ZNF534: variants seen among roughly 807,000 people sequenced by gnomAD.
The protein encoded by ZNF534 is zinc finger protein 534.
ZNF534 carries 19 observed loss-of-function variants against 13.6 expected under a neutral mutation model. The observed-to-expected ratio is 1.40, with a 90% CI of 0.97 to 2.05. ZNF534 has a LOEUF of 2.05. ZNF534 is among the 30% of genes most tolerant of loss of function. The probability of loss-of-function intolerance (pLI) is 0.00; values close to 1 mark genes in which losing one functional copy is unlikely to be tolerated. For synonymous variants in ZNF534, 244 were observed against 273.8 expected, an observed-to-expected ratio of 0.89 and a Z score of 1.07; for missense variants, 782 against 796.3, an observed-to-expected ratio of 0.98 and a Z score of 0.22.
chr19:52,451,187 AT>A lies in ZNF534; in HGVS notation c.277del (p.Ser93HisfsTer167). On this transcript the variant is annotated frameshift_variant and splice_region_variant, in exon 5 of 5. Coordinates refer to the ZNF534 transcript ENST00000301085. LOFTEE classifies it low-confidence loss of function (END_TRUNC). ...ACTGTTTATAATTTTCTACCCATAG[AT>A]TTTTCACTTCTGGCCTGGGACGCGC... 1.5e-6 allele frequency: 1 copy of A among 680,756 alleles called. No homozygotes were observed. Among genetic ancestry groups the A allele is most frequent in the South Asian group, 1.6e-5 (1 of 62,514 alleles). 42.2% of individuals were successfully genotyped at this position (680,756 alleles called of 1,614,324 possible). A position where few individuals can be genotyped will look rare whatever the true frequency, so the allele number is the denominator to read the frequency against.
In ZNF534 at chr19:52,438,178, A is replaced by G. The variant is rs941793687; in HGVS notation, c.718A>G (p.Lys240Glu). 8 of 1,614,166 alleles carry G rather than the reference A, an allele frequency of 5.0e-6. No homozygotes were observed. The Middle Eastern group carries it at 1.2e-3, about 233-fold the overall frequency. ...AQHQRIHTGE[K>E]PYKYNECGKV... ...ACATCAACGAATCCATACTGGAGAG[A>G]AGCCTTACAAATATAATGAATGTGG... Residue 240 changes from lysine (K) to glutamate (E), a missense_variant, in exon 5 of 5, where the codon AAG becomes GAG. Physicochemically the swap from Lys to Glu is moderately conservative, Grantham distance 56. Transcript: ENST00000433050.
chr19:52,443,924 C>T (rs1476163191), downstream of ZNF534, among the ~76,000 whole-genome samples: 5 of 152,134 alleles, frequency 3.3e-5, no homozygotes, highest in South Asian at 1.0e-3. Flanking sequence ...TTTCTCCCCT[C>T]ATTTATTGTA....
intron 4 of ZNF534, among the ~76,000 whole-genome samples, chr19:52,449,944 C>T (rs115985282): frequency 0.014 from 2,159 of 152,104 alleles, 50 homozygotes; most frequent in African/African-American, 0.049. Flanking sequence ...TGCTTGAACC[C>T]GGGAAGGCAG....
chr19:52,438,354 C>T lies in ZNF534; in HGVS notation c.894C>T (p.Tyr298=), dbSNP rs1399548221. The change falls in exon 5 of 5, where the codon TAC becomes TAT. Residue 298 remains tyrosine (Y), a synonymous_variant. Coordinates refer to ENST00000433050, the MANE Select transcript of ZNF534 (RefSeq NM_001143938.3). ...HRKIHTGEKP[Y]KCSECGKAFS... ...AAATTCATACTGGAGAGAAGCCTTA[C>T]AAATGTAGTGAATGTGGCAAAGCAT... is the stretch of plus-strand genomic sequence containing the variant. 3 of 1,613,276 alleles carry T rather than the reference C, an allele frequency of 1.9e-6. No homozygotes were observed. The highest frequency in any genetic ancestry group is 1.3e-5 in the African/African-American group (1 of 74,894).
chr19:52,451,856 AT>A, exon 5 of ZNF534: 6 of 760,076 alleles, frequency 7.9e-6, no homozygotes, highest in Admixed American at 2.0e-5. Flanking sequence ...TTGTGAACGG[AT>A]TTTTTAATCC....
intron 4 of ZNF534, among the ~76,000 whole-genome samples, chr19:52,451,012 T>G (rs2059212520): frequency 1.3e-5 from 2 of 152,142 alleles, no homozygotes; most frequent in Non-Finnish European, 2.9e-5. Flanking sequence ...TCTATTTCTG[T>G]GAATAATGTC....
exon 5 of ZNF534, chr19:52,452,005 G>A (rs2059219436): frequency 3.6e-6 from 1 of 280,984 alleles, no homozygotes; most frequent in African/African-American, 2.3e-5. Context: ...AAGAGTTTTT[G>A]CTTAAAGTGT....
chr19:52,437,023 G>T (rs181268626), intron 4 of ZNF534, among the ~76,000 whole-genome samples: 1 of 151,778 alleles, frequency 6.6e-6, no homozygotes, highest in South Asian at 2.1e-4. Flanking sequence ...TTTATAATGC[G>T]CAGTGGGAGA....
chr19:52,438,268 T>TA lies in ZNF534; in HGVS notation c.809dup (p.Tyr270Ter), dbSNP rs1344036395. The TA allele has an allele frequency of 1.2e-6, 2 of 1,605,346 alleles. No individual in the cohort carries two copies. The highest frequency in any genetic ancestry group is 8.5e-7 in the Non-Finnish European group (1 of 1,173,376). The change falls in exon 5 of 5, where the codon TAC (tyrosine) becomes TAAC (stop). Residue 270 changes from tyrosine (Y) to a stop codon, truncating the protein, a stop_gained and frameshift_variant. Transcript: ENST00000433050. LOFTEE classifies it low-confidence loss of function (END_TRUNC). ...HQKIHTGQKPYNNKECGKVFS... is the reference protein window; with the variant it reads ...HQKIHTGQKP ...GAAAATTCATACTGGACAGAAACCT[T>TA]ACAATAACAAAGAATGTGGGAAAGT...
chr19:52,434,744 A>AG (rs1035347751), intron 3 of ZNF534, among the ~76,000 whole-genome samples: 5 of 149,814 alleles, frequency 3.3e-5, no homozygotes, highest in African/African-American at 1.2e-4. Context: ...AAAAAAAAAA[A>AG]AGAAAGAAAT....
exon 5 of ZNF534, chr19:52,451,237 C>T: frequency 1.4e-6 from 1 of 732,252 alleles, no homozygotes; most frequent in Non-Finnish European, 2.5e-6. Flanking sequence ...GGAAGCCTGG[C>T]GCGCGTCCGG....
chr19:52,434,121 G>A, intron 3 of ZNF534, 40 bp downstream of exon 3: 2 of 1,588,850 alleles, frequency 1.3e-6, no homozygotes, highest in African/African-American at 1.4e-5. Context: ...ATCTGCTCTG[G>A]TATATCTTTT....
rs186262353 is a variant in ZNF534, at chr19:52,440,984, C to T, written c.*1538C>T. Among the ~76,000 whole-genome samples the T allele has an allele frequency of 2.6e-4, 39 of 151,952 alleles. No homozygotes were observed. The highest frequency in any genetic ancestry group is 3.9e-4 in the African/African-American group (16 of 41,456). ...TGGTGTAATCTCAGCTCACTGCAAC[C>T]GCCACCTCCTAGGTTCAAGCAATTC... On this transcript the variant is annotated 3_prime_UTR_variant, in exon 5 of 5. Coordinates refer to ENST00000433050, the MANE Select transcript of ZNF534 (RefSeq NM_001143938.3).
Position 52,439,066 on chromosome 19 carries a change from C to A in ZNF534, c.1606C>A (p.His536Asn). The change falls in exon 5 of 5, where the codon CAC (histidine) becomes AAC (asparagine). Residue 536 changes from histidine to asparagine, a missense_variant. Coordinates refer to ENST00000433050, the MANE Select transcript of ZNF534 (RefSeq NM_001143938.3). ...TGGCAAGGTCTTCCGTCGGAATTCA[C>A]ACCTTGTGCGACATAGGAATGTTCA... ...ECGKVFRRNS[H>N]LVRHRNVHTG... 1 of 1,593,654 alleles carries A rather than the reference C, an allele frequency of 6.3e-7. No individual in the cohort carries two copies. Among genetic ancestry groups the A allele is most frequent in the East Asian group, 2.3e-5 (1 of 43,404 alleles).
chr19:52,447,060 T>A (rs1202734586), downstream of ZNF534, among the ~76,000 whole-genome samples: 1 of 152,184 alleles, frequency 6.6e-6, no homozygotes, highest in East Asian at 1.9e-4. Flanking sequence ...TATATCTTTA[T>A]CTCTGTCCTG....
downstream of ZNF534, among the ~76,000 whole-genome samples, chr19:52,445,936 G>C: frequency 6.6e-6 from 1 of 152,154 alleles, no homozygotes; most frequent in Middle Eastern, 3.4e-3. Flanking sequence ...AAAACACAGG[G>C]AATATATAAA....
In ZNF534 at chr19:52,439,129, A is replaced by G; in HGVS notation, c.1669A>G (p.Lys557Glu). ...EKPYSCNECG[K>E]VFSRNSHLAR... ...GCCTTACAGTTGTAATGAATGTGGC[A>G]AGGTCTTCAGTCGGAATTCACACCT... The change falls in exon 5 of 5, where the codon AAG (lysine) becomes GAG (glutamate). Residue 557 changes from lysine (K) to glutamate (E), a missense_variant. Physicochemically the swap from Lys to Glu is moderately conservative, Grantham distance 56. Coordinates refer to ENST00000433050, the MANE Select transcript of ZNF534 (RefSeq NM_001143938.3). The G allele has an allele frequency of 6.3e-7, 1 of 1,595,358 alleles. No homozygotes were observed. Among genetic ancestry groups the G allele is most frequent in the Non-Finnish European group, 8.5e-7 (1 of 1,170,294 alleles).
chr19:52,448,686 A>T (rs1231373824), intron 4 of ZNF534, among the ~76,000 whole-genome samples: 1 of 152,196 alleles, frequency 6.6e-6, no homozygotes, highest in Non-Finnish European at 1.5e-5. Context: ...CTAGTCTCTT[A>T]ACTTTTTAAG....
At chr19:52,432,728 C>A (rs112193109) in intron 2 of ZNF534, among the ~76,000 whole-genome samples, 1 of 151,638 alleles carries the variant, frequency 6.6e-6, no homozygotes, top group Non-Finnish European at 1.5e-5. Context: ...TGCCTCCTGG[C>A]TTCAAGCCAT....
Sources: allele counts gnomAD v4.1 joint callset (sites outside exome capture counted in the v4.1 genomes callset), GRCh38; gene constraint gnomAD v4.1.1; transcripts MANE v1.5; gene names NCBI Gene and HGNC (gene_info 2026-07-23, HGNC 2026-07-21).